The following GSAP variants were observed in gnomAD, a reference collection of about 807,000 sequenced individuals.
The protein encoded by GSAP is gamma-secretase activating protein.
In GSAP, 118 loss-of-function variants were observed where a neutral mutation model predicts 131.7. That is an observed-to-expected ratio of 0.90 (90% CI 0.77 to 1.04). The LOEUF is 1.04. GSAP is among the 50% of genes least tolerant of loss of function. The pLI is 0.00. For synonymous variants in GSAP, 381 were observed against 363.4 expected (o/e 1.05, Z -0.55); for missense variants, 1,019 against 1,013.2 (o/e 1.01, Z -0.08).
intron 1 of GSAP, among the ~76,000 whole-genome samples, chr7:77,411,098 T>TAAAAAAAAA (rs57255266): frequency 9.2e-6 from 1 of 108,864 alleles, no homozygotes; most frequent in Non-Finnish European, 1.8e-5. Context: ...AAGAAAATAG[T>TAAAAAAAAA]AAAAAAAAAA....
intron 12 of GSAP, among the ~76,000 whole-genome samples, chr7:77,365,775 T>C (rs1458530862): frequency 6.6e-6 from 1 of 152,144 alleles, no homozygotes; most frequent in African/African-American, 2.4e-5. Flanking sequence ...GGTCCAATAG[T>C]AGTTCTGCTG....
chr7:77,317,081 T>G (rs772759597), intron 26 of GSAP, among the ~76,000 whole-genome samples: 2 of 152,048 alleles, frequency 1.3e-5, no homozygotes, highest in Non-Finnish European at 2.9e-5. Context: ...CATACAAGCA[T>G]GCACATGCAC....
chr7:77,330,647 C>T (rs1289796673), intron 19 of GSAP: 12 of 1,033,000 alleles, frequency 1.2e-5, no homozygotes, highest in East Asian at 1.7e-4. Flanking sequence ...CCAAAACCAA[C>T]AGGACTTCCC....
intron 12 of GSAP, 107 bp downstream of exon 12, chr7:77,373,963 A>G: frequency 1.4e-6 from 1 of 700,912 alleles, no homozygotes. Context: ...CCGACATAAA[A>G]ATGTAGCTCT....
At chr7:77,346,945 C>G (rs1255321697) in intron 19 of GSAP, among the ~76,000 whole-genome samples, 2 of 148,436 alleles carry the variant, frequency 1.3e-5, no homozygotes, top group Non-Finnish European at 1.5e-5. Context: ...CCACCACCCC[C>G]CGCCCCACCC....
At chr7:77,378,512 A>G (rs957578973) in intron 8 of GSAP, among the ~76,000 whole-genome samples, 3 of 149,422 alleles carry the variant, frequency 2.0e-5, no homozygotes, top group Non-Finnish European at 4.4e-5. Flanking sequence ...AAACAAAACA[A>G]AAAACAACAA....
Position 77,363,917 on chromosome 7 carries a change from T to A in GSAP, c.872-1257A>T, listed in dbSNP as rs1794895286. Among the ~76,000 whole-genome samples the A allele has an allele frequency of 1.3e-5, 2 of 151,594 alleles. 1 individual carries two copies. The highest frequency in any genetic ancestry group is 4.2e-4 in the South Asian group (2 of 4,818). On this transcript the variant is annotated intron_variant, in intron 12 of 30. Transcript: ENST00000257626. ...TATCACTAAAGTATAAACAAAATAA[T>A]AATTATAAGAGTTACAAAAGTCTCA... is the stretch of plus-strand genomic sequence containing the variant.
chr7:77,390,704 G>A (rs1799329527), intron 5 of GSAP, among the ~76,000 whole-genome samples: 1 of 151,778 alleles, frequency 6.6e-6, no homozygotes, highest in Non-Finnish European at 1.5e-5. Context: ...GTATACATAT[G>A]TAACAAACCT....
chr7:77,338,092 G>A (rs926258114), intron 19 of GSAP, among the ~76,000 whole-genome samples: 4 of 152,180 alleles, frequency 2.6e-5, no homozygotes, highest in Admixed American at 6.5e-5. Flanking sequence ...TTATGCCCAG[G>A]AGGTCGAGGC....
intron 5 of GSAP, among the ~76,000 whole-genome samples, chr7:77,396,566 G>T (rs1800429474): frequency 6.6e-6 from 1 of 152,138 alleles, no homozygotes; most frequent in Non-Finnish European, 1.5e-5. Context: ...ACTATAAAGT[G>T]GGCCTTGGCA....
At chr7:77,414,844 CTTTTTTTTTTTTTTTTTT>C (rs57095326) in intron 1 of GSAP, among the ~76,000 whole-genome samples, 3 of 59,876 alleles carry the variant, frequency 5.0e-5, no homozygotes, top group South Asian at 8.1e-4. Flanking sequence ...ATGTGGGCGA[CTTTTTTTTTTTTTTTTTT>C]TTTTTTTTTT....
At chr7:77,314,775 T>C (rs1794791037) in intron 26 of GSAP, 1 of 255,230 alleles carries the variant, frequency 3.9e-6, no homozygotes, top group Non-Finnish European at 7.7e-6. Flanking sequence ...CGGTTTGATA[T>C]GTTTGTGATT....
rs1200040086 is a variant in GSAP at position 77,334,579 on chromosome 7, T to TAAAAAAAAAAAAAAAA, written c.1546-4213_1546-4212insTTTTTTTTTTTTTTTT. ...GCCCATGTATCCTGGAACTTAAAAT[T>TAAAAAAAAAAAAAAAA]TAAAAAAAAAAAAAAAAAAAAAAAA... is the stretch of plus-strand genomic sequence containing the variant. On this transcript the variant is annotated intron_variant, in intron 19 of 30. Coordinates refer to ENST00000257626, the MANE Select transcript of GSAP (RefSeq NM_017439.4). 9.4e-3 allele frequency among the ~76,000 whole-genome samples: 776 copies of TAAAAAAAAAAAAAAAA among 82,222 alleles called. 75 individuals carry two copies. The highest frequency in any genetic ancestry group is 0.014 in the Non-Finnish European group (581 of 42,438). The allele number at this position is 82,222 out of a possible 152,430, so 53.9% of individuals were successfully genotyped here.
In GSAP at chr7:77,392,170, C is replaced by T. The variant is rs537013108; in HGVS notation, c.368-4722G>A. Among the ~76,000 whole-genome samples, 31 of 150,752 alleles carry T rather than the reference C, an allele frequency of 2.1e-4. No homozygotes were observed. The South Asian group carries it at 6.1e-3, about 30-fold the overall frequency. On this transcript the variant is annotated intron_variant, in intron 5 of 30. Coordinates refer to ENST00000257626, the MANE Select transcript of GSAP (RefSeq NM_017439.4). The stretch of plus-strand genomic sequence containing the variant: ...CTGGGAGGCGGAGGTTACAGTGAGC[C>T]GAGACCACACCATTGCACTCCAGCC...
intron 14 of GSAP, among the ~76,000 whole-genome samples, chr7:77,356,454 T>G (rs564763862): frequency 6.6e-6 from 1 of 152,330 alleles, no homozygotes; most frequent in Non-Finnish European, 1.5e-5. Context: ...GTTTGTCCAG[T>G]GATCATCATT....
chr7:77,317,377 T>TTGGGTTG (rs1786990487), intron 26 of GSAP, among the ~76,000 whole-genome samples: 1 of 102,452 alleles, frequency 9.8e-6, no homozygotes, highest in East Asian at 2.5e-4. Context: ...GGGCCTGTCG[T>TTGGGTTG]GGGGTTGGGG....
At chr7:77,362,757 C>T (rs1794729530) in intron 12 of GSAP, 97 bp from the exon 13 acceptor site, 4 of 695,152 alleles carry the variant, frequency 5.8e-6, no homozygotes, top group Non-Finnish European at 1.0e-5. Flanking sequence ...CTTTAGATGT[C>T]CTGTCTCATC....
At chr7:77,388,829 T>A (rs1798963000) in intron 5 of GSAP, among the ~76,000 whole-genome samples, 1 of 152,226 alleles carries the variant, frequency 6.6e-6, no homozygotes, top group African/African-American at 2.4e-5. Flanking sequence ...TCTGGATCTA[T>A]CTATAAACAT....
Position 77,397,054 on chromosome 7 carries a change from A to G in GSAP, c.314-19T>C. ...CTTGCAGCTAATGGAAAAAGAAAAA[A>G]AATCCATTAGCAATTGATCCATATG... On this transcript the variant is annotated intron_variant, in intron 4 of 30. Coordinates refer to ENST00000257626, the MANE Select transcript of GSAP (RefSeq NM_017439.4). 6.5e-7 allele frequency: 1 copy of G among 1,547,776 alleles called. No individual in the cohort carries two copies. Among genetic ancestry groups the G allele is most frequent in the Non-Finnish European group, 8.9e-7 (1 of 1,126,858 alleles).
Sources: allele counts gnomAD v4.1 joint callset (sites outside exome capture counted in the v4.1 genomes callset), GRCh38; gene constraint gnomAD v4.1.1; transcripts MANE v1.5; gene names NCBI Gene and HGNC (gene_info 2026-07-23, HGNC 2026-07-21).